NRG3: variants seen among roughly 807,000 people sequenced by gnomAD.
NRG3 encodes the protein pro-neuregulin-3, membrane-bound isoform.
In NRG3, 31 loss-of-function variants were observed where a neutral mutation model predicts 66.9. The observed-to-expected ratio is 0.46, with a 90% CI of 0.35 to 0.63. The LOEUF (loss-of-function observed/expected upper bound fraction) is 0.63, where lower values mean the gene tolerates loss of function less well. Among genes scored for constraint, NRG3 ranks in the 20% least tolerant of loss-of-function variants. The probability of loss-of-function intolerance (pLI) is 0.00; values close to 1 mark genes in which losing one functional copy is unlikely to be tolerated. For synonymous variants in NRG3, 393 were observed against 359.4 expected, an observed-to-expected ratio of 1.09 and a Z score of -1.06; for missense variants, 910 against 878.9, an observed-to-expected ratio of 1.04 and a Z score of -0.45.
intron 2 of NRG3, among the ~76,000 whole-genome samples, chr10:82,461,425 A>AT (rs760870416): frequency 6.6e-6 from 1 of 151,920 alleles, no homozygotes; most frequent in East Asian, 1.9e-4. Flanking sequence ...CCTCTGGGAC[A>AT]TTTTTTCTGT....
chr10:82,180,671 C>G (rs193298520), intron 1 of NRG3, among the ~76,000 whole-genome samples: 3 of 151,804 alleles, frequency 2.0e-5, no homozygotes, highest in African/African-American at 7.2e-5. Context: ...TTTTTACATG[C>G]ATATTCATCA....
chr10:82,730,116 C>T (rs1161817804), intron 2 of NRG3, among the ~76,000 whole-genome samples: 16 of 138,130 alleles, frequency 1.2e-4, no homozygotes, highest in Non-Finnish European at 6.1e-5. Context: ...GACGGAGTCT[C>T]GCTCTGTCAC....
chr10:82,231,015 A>G (rs746325647), intron 1 of NRG3, among the ~76,000 whole-genome samples: 5 of 152,182 alleles, frequency 3.3e-5, no homozygotes, highest in Non-Finnish European at 5.9e-5. Context: ...ATTACAGTGA[A>G]TGGTCAGTAG....
chr10:81,915,483 T>A (rs1845594658), intron 1 of NRG3, among the ~76,000 whole-genome samples: 1 of 139,246 alleles, frequency 7.2e-6, no homozygotes, highest in Non-Finnish European at 1.5e-5. Context: ...TAAAGTCAGC[T>A]CACACTTCTT....
intron 3 of NRG3, among the ~76,000 whole-genome samples, chr10:82,788,588 A>G (rs2060464097): frequency 6.6e-6 from 1 of 152,194 alleles, no homozygotes; most frequent in African/African-American, 2.4e-5. Flanking sequence ...TAAAAAATGA[A>G]GAAAAAATAA....
intron 2 of NRG3, among the ~76,000 whole-genome samples, chr10:82,600,785 AT>A (rs113323956): frequency 5.3e-5 from 8 of 151,768 alleles, no homozygotes; most frequent in South Asian, 2.1e-4. Context: ...ATTTATTTTT[AT>A]TTTTTTTAAT....
chr10:82,216,728 T>A (rs1001891775), intron 1 of NRG3, among the ~76,000 whole-genome samples: 6 of 152,112 alleles, frequency 3.9e-5, no homozygotes, highest in Non-Finnish European at 5.9e-5. Flanking sequence ...ATGTTTTTTG[T>A]TAAACTGAAA....
chr10:82,262,439 T>G (rs186906480), intron 1 of NRG3, among the ~76,000 whole-genome samples: 158 of 152,356 alleles, frequency 1.0e-3, no homozygotes, highest in African/African-American at 3.5e-3. Flanking sequence ...GTTGCTTGTT[T>G]TACTGACTTG....
chr10:82,553,483 T>C (rs1490190955), intron 2 of NRG3, among the ~76,000 whole-genome samples: 1 of 152,146 alleles, frequency 6.6e-6, no homozygotes. Context: ...TAATTTCTTT[T>C]ATAAATAGAA....
intron 2 of NRG3, among the ~76,000 whole-genome samples, chr10:82,663,911 G>A (rs2052559784): frequency 1.3e-5 from 2 of 152,160 alleles, no homozygotes; most frequent in African/African-American, 2.4e-5. Context: ...ACACATCCAA[G>A]CCAACTGACC....
chr10:82,853,871 G>C (rs2063682500), intron 3 of NRG3, among the ~76,000 whole-genome samples: 1 of 152,128 alleles, frequency 6.6e-6, no homozygotes, highest in African/African-American at 2.4e-5. Context: ...TCCTTGTCTT[G>C]TTCCAGCTCT....
At chr10:81,920,206 A>T (rs544384869) in intron 1 of NRG3, among the ~76,000 whole-genome samples, 1 of 152,172 alleles carries the variant, frequency 6.6e-6, no homozygotes. Flanking sequence ...GCTGGAAAAG[A>T]GATGAGATCT....
chr10:82,268,096 C>G (rs1564730947), intron 1 of NRG3, among the ~76,000 whole-genome samples: 1 of 152,140 alleles, frequency 6.6e-6, no homozygotes, highest in Non-Finnish European at 1.5e-5. Context: ...TCTTCCCACA[C>G]GTTCTTCTAG....
intron 3 of NRG3, among the ~76,000 whole-genome samples, chr10:82,837,615 G>A (rs964801188): frequency 2.0e-5 from 3 of 152,184 alleles, no homozygotes; most frequent in Non-Finnish European, 2.9e-5. Context: ...TGAAATGTGT[G>A]CAAAAGCAGT....
intron 4 of NRG3, among the ~76,000 whole-genome samples, chr10:82,890,390 A>C (rs1354446718): frequency 1.3e-5 from 2 of 152,150 alleles, no homozygotes; most frequent in East Asian, 1.9e-4. Flanking sequence ...AAAAAACAAC[A>C]AATATCTTAT....
intron 1 of NRG3, among the ~76,000 whole-genome samples, chr10:81,942,659 T>G (rs1314314799): frequency 6.6e-6 from 1 of 152,152 alleles, no homozygotes; most frequent in Non-Finnish European, 1.5e-5. Flanking sequence ...GCCCCTTATC[T>G]TTCCTCAATT....
intron 3 of NRG3, among the ~76,000 whole-genome samples, chr10:82,847,498 G>T (rs1018483029): frequency 6.6e-6 from 1 of 152,110 alleles, no homozygotes; most frequent in African/African-American, 2.4e-5. Flanking sequence ...CTTATCTAAG[G>T]TCAAACATGG....
At chr10:81,903,204 A>AT (rs1370463540) in intron 1 of NRG3, among the ~76,000 whole-genome samples, 1 of 152,086 alleles carries the variant, frequency 6.6e-6, no homozygotes, top group Non-Finnish European at 1.5e-5. Context: ...GAGGAAATGG[A>AT]TTTTTTAAAA....
chr10:82,546,160 A>T (rs950771638), intron 2 of NRG3, among the ~76,000 whole-genome samples: 1 of 152,138 alleles, frequency 6.6e-6, no homozygotes, highest in African/African-American at 2.4e-5. Context: ...TCCTCTTTTG[A>T]AAGTGCATAA....
Sources: gnomAD v4.1 joint callset for allele counts (sites outside exome capture counted in the v4.1 genomes callset) on GRCh38, gnomAD v4.1.1 for gene constraint, MANE v1.5 for transcripts, NCBI Gene and HGNC (gene_info 2026-07-23, HGNC 2026-07-21) for gene names.